ORMDL1: variants seen among roughly 807,000 people sequenced by gnomAD.
The protein encoded by ORMDL1 is ORMDL sphingolipid biosynthesis regulator 1.
ORMDL1 carries 10 observed loss-of-function variants against 13.0 expected under a neutral mutation model. That is an observed-to-expected ratio of 0.77 (90% CI 0.47 to 1.30). The LOEUF is 1.30. Ranked by LOEUF, ORMDL1 falls within the 50% of genes most tolerant of loss-of-function variation. ORMDL1 has a pLI of 0.00. For synonymous variants in ORMDL1, 61 were observed against 63.9 expected (o/e 0.95, Z 0.22); for missense variants, 171 against 186.7 (o/e 0.92, Z 0.49).
chr2:189,776,200 T>C (rs955080255), intron 3 of ORMDL1, among the ~76,000 whole-genome samples: 16 of 152,210 alleles, frequency 1.1e-4, no homozygotes, highest in African/African-American at 3.9e-4. Context: ...TTTAATATGA[T>C]GACTGCCTTT....
At chr2:189,778,261 G>A (rs996644437) in intron 3 of ORMDL1, 33 of 402,652 alleles carry the variant, frequency 8.2e-5, no homozygotes, top group Admixed American at 1.8e-4. Flanking sequence ...CAGGCATGGT[G>A]GTGCACACCT....
At chr2:189,765,867 G>A (rs1243814255), downstream of ORMDL1, among the ~76,000 whole-genome samples, 4 of 8,870 alleles carry the variant, frequency 4.5e-4, no homozygotes, top group Non-Finnish European at 1.6e-3. Context: ...TTTTTGAGAC[G>A]ACGTCTGGAT....
intron 4 of ORMDL1, among the ~76,000 whole-genome samples, chr2:189,774,349 G>A (rs796270831): frequency 2.6e-5 from 4 of 152,150 alleles, no homozygotes; most frequent in South Asian, 4.2e-4. Flanking sequence ...TATTATATGG[G>A]ACTAAATCAA....
In ORMDL1 at chr2:189,771,486, T is replaced by G; in HGVS notation, c.*281A>C. On this transcript the variant is annotated 3_prime_UTR_variant, in exon 5 of 5. Coordinates refer to ENST00000392349, the MANE Select transcript of ORMDL1 (RefSeq NM_016467.5). ...CTTACAAATCTCTTATTTCCTTGAA[T>G]TTATCTACTACACCCTCACTGTGAT... 1 of 225,504 alleles carries G rather than the reference T, an allele frequency of 4.4e-6. No individual in the cohort carries two copies. Among genetic ancestry groups the G allele is most frequent in the Non-Finnish European group, 8.6e-6 (1 of 116,670 alleles). The allele number at this position is 225,504 out of a possible 1,614,324, so 14.0% of individuals were successfully genotyped here.
downstream of ORMDL1, among the ~76,000 whole-genome samples, chr2:189,767,383 T>A (rs1164406587): frequency 6.6e-6 from 1 of 152,258 alleles, no homozygotes; most frequent in Non-Finnish European, 1.5e-5. Flanking sequence ...GGCTTCGCTG[T>A]TCCCCCTGTA....
chr2:189,766,852 A>G (rs577419601), downstream of ORMDL1, among the ~76,000 whole-genome samples: 2 of 152,234 alleles, frequency 1.3e-5, no homozygotes, highest in Non-Finnish European at 2.9e-5. Flanking sequence ...GGGGTAACAC[A>G]GTATTTGTCA....
chr2:189,766,466 G>A (rs946519938), downstream of ORMDL1, among the ~76,000 whole-genome samples: 20 of 152,034 alleles, frequency 1.3e-4, no homozygotes, highest in African/African-American at 4.6e-4. Flanking sequence ...AGTGGCTCGC[G>A]CCTGTAATCC....
intron 3 of ORMDL1, chr2:189,778,325 G>A (rs567780829): frequency 7.0e-5 from 31 of 444,906 alleles, no homozygotes; most frequent in Admixed American, 6.5e-4. Flanking sequence ...AACCCAGGAG[G>A]GGGAGGTTGC....
At chr2:189,769,650 AATC>A (rs2047538779), downstream of ORMDL1, among the ~76,000 whole-genome samples, 1 of 152,188 alleles carries the variant, frequency 6.6e-6, no homozygotes, top group Non-Finnish European at 1.5e-5. Context: ...TTGAGCAACA[AATC>A]ATAATAATGG....
chr2:189,768,902 T>C (rs2047525703), downstream of ORMDL1, among the ~76,000 whole-genome samples: 2 of 152,354 alleles, frequency 1.3e-5, no homozygotes, highest in African/African-American at 4.8e-5. Flanking sequence ...TTCCATGCTG[T>C]TGACACCAAT....
At chr2:189,778,489 C>G in intron 3 of ORMDL1, 1 of 454,184 alleles carries the variant, frequency 2.2e-6, no homozygotes, top group Non-Finnish European at 4.4e-6. Flanking sequence ...AATTATAAAA[C>G]AATGACAAAC....
intron 4 of ORMDL1, chr2:189,774,140 A>ACATG (rs1418780629): frequency 6.6e-6 from 1 of 152,226 alleles, no homozygotes; most frequent in African/African-American, 2.4e-5. Flanking sequence ...TTTTGTTATT[A>ACATG]CATGCATGCA....
intron 3 of ORMDL1, among the ~76,000 whole-genome samples, chr2:189,776,721 C>T (rs79562361): frequency 0.036 from 5,450 of 152,146 alleles, 107 homozygotes; most frequent in South Asian, 0.07. Context: ...ATTCAGAAGT[C>T]GTTTAGCTAC....
chr2:189,771,710 C>G lies in ORMDL1; in HGVS notation c.*57G>C, dbSNP rs539543944. Reference sequence around the variant, plus strand: ...CAGAAACAGTGCAGTTTACTAACCACTCCTTCCTTATAAGAAATTCAGTAG... The same window carrying G: ...CAGAAACAGTGCAGTTTACTAACCAGTCCTTCCTTATAAGAAATTCAGTAG... On this transcript the variant is annotated 3_prime_UTR_variant, in exon 5 of 5. Coordinates refer to ENST00000392349, the MANE Select transcript of ORMDL1 (RefSeq NM_016467.5). 2 of 1,456,558 alleles carry G rather than the reference C, an allele frequency of 1.4e-6. No homozygotes were observed. The highest frequency in any genetic ancestry group is 2.9e-5 in the African/African-American group (2 of 69,778). 90.2% of individuals were successfully genotyped at this position (1,456,558 alleles called of 1,614,324 possible). A position where few individuals can be genotyped will look rare whatever the true frequency, so the allele number is the denominator to read the frequency against.
chr2:189,782,304 G>A lies in ORMDL1; in HGVS notation c.174+118C>T, dbSNP rs920939308. On this transcript the variant is annotated intron_variant, in intron 3 of 4. Coordinates refer to ENST00000392349, the MANE Select transcript of ORMDL1 (RefSeq NM_016467.5). The stretch of plus-strand genomic sequence containing the variant: ...CCACATCCAGAACTCTCTTCATCTT[G>A]CAAAACCAAAAACTCTGTACCCATT... 6.7e-6 allele frequency: 6 copies of A among 891,814 alleles called. No homozygotes were observed. In the African/African-American group the frequency reaches 1.0e-4, roughly 15 times the overall value. The allele number at this position is 891,814 out of a possible 1,614,324, so 55.2% of individuals were successfully genotyped here.
intron 4 of ORMDL1, among the ~76,000 whole-genome samples, chr2:189,772,778 T>A (rs754685253): frequency 3.9e-5 from 6 of 152,238 alleles, no homozygotes; most frequent in Non-Finnish European, 7.3e-5. Context: ...TTTACTGACA[T>A]TAGTTTCTCA....
At chr2:189,782,876 T>C (rs1162176474) in intron 2 of ORMDL1, 138 bp downstream of exon 2, 1 of 309,282 alleles carries the variant, frequency 3.2e-6, no homozygotes, top group Admixed American at 4.6e-5. Flanking sequence ...TTTTCTAGCA[T>C]GTTGTTTTAC....
intron 4 of ORMDL1, among the ~76,000 whole-genome samples, chr2:189,774,271 G>T (rs942173654): frequency 2.0e-5 from 3 of 152,066 alleles, no homozygotes; most frequent in African/African-American, 7.2e-5. Flanking sequence ...CCATCTTCCT[G>T]CCTCAGCTTC....
At chr2:189,780,555 T>C (rs16832035) in intron 3 of ORMDL1, among the ~76,000 whole-genome samples, 5,374 of 152,218 alleles carry the variant, frequency 0.035, 109 homozygotes, top group South Asian at 0.07. Flanking sequence ...ACTGAAAATA[T>C]GGGTAGATGA....
Sources: gnomAD v4.1 joint callset for allele counts (sites outside exome capture counted in the v4.1 genomes callset) on GRCh38, gnomAD v4.1.1 for gene constraint, MANE v1.5 for transcripts, NCBI Gene and HGNC (gene_info 2026-07-23, HGNC 2026-07-21) for gene names.